Variants in ACTN1 observed in about 807,000 individuals in gnomAD.
ACTN1 encodes the protein actinin alpha 1.
A neutral mutation model predicts 119.6 loss-of-function variants in ACTN1; 30 were observed. That is an observed-to-expected ratio of 0.25 (90% confidence interval 0.19 to 0.34). The LOEUF (loss-of-function observed/expected upper bound fraction) is 0.34, where lower values mean the gene tolerates loss of function less well. Ranked by LOEUF, ACTN1 falls within the 10% of genes least tolerant of loss-of-function variation. The pLI is 1.00. For synonymous variants in ACTN1, 429 were observed against 472.6 expected (o/e 0.91, Z 1.20); for missense variants, 764 against 1,223.4 (o/e 0.62, Z 5.60).
chr14:68,918,442 C>G (rs1181507305), intron 3 of ACTN1, among the ~76,000 whole-genome samples: 1 of 151,220 alleles, frequency 6.6e-6, no homozygotes, highest in Admixed American at 6.6e-5. Context: ...AAAAATTAGC[C>G]AGGCGTGGTG....
chr14:68,893,329 G>A (rs1237897881), intron 9 of ACTN1, among the ~76,000 whole-genome samples: 1 of 152,160 alleles, frequency 6.6e-6, no homozygotes, highest in African/African-American at 2.4e-5. Context: ...TCTCACTGAA[G>A]CAAAACTCAC....
At position 68,884,819 on chromosome 14, in the gene ACTN1, C is replaced by A. The variant is rs1232862734; in HGVS notation, c.1450G>T (p.Asp484Tyr). Residue 484 changes from aspartate (D) to tyrosine (Y), a missense_variant, in exon 13 of 22, where the codon GAC becomes TAC. Asp to Tyr is a radical substitution (Grantham distance 160). Coordinates refer to ENST00000394419, the MANE Select transcript of ACTN1 (RefSeq NM_001130004.2). The part of the protein sequence containing the change: ...ARCQKICDQW[D>Y]NLGALTQKRR... The stretch of plus-strand genomic sequence containing the variant: ...TTCTGAGTTAGGGCCCCCAGATTGT[C>A]CCACTGGTCACAGATCTTTTGGCAA... The A allele has an allele frequency of 6.2e-7, 1 of 1,614,194 alleles. No homozygotes were observed. Among genetic ancestry groups the A allele is most frequent in the African/African-American group, 1.3e-5 (1 of 75,058 alleles).
chr14:68,919,789 G>C (rs1429534068), intron 3 of ACTN1, among the ~76,000 whole-genome samples: 1 of 152,198 alleles, frequency 6.6e-6, no homozygotes, highest in Non-Finnish European at 1.5e-5. Context: ...AAGCTCTGTA[G>C]CAACTACTCA....
At chr14:68,883,683 C>A (rs956465190) in intron 14 of ACTN1, among the ~76,000 whole-genome samples, 1 of 152,152 alleles carries the variant, frequency 6.6e-6, no homozygotes, top group Non-Finnish European at 1.5e-5. Context: ...GAGGCTGCAG[C>A]AGGAGGATCG....
rs1566606239 is a variant in ACTN1 at position 68,892,236 on chromosome 14, C to G, written c.903G>C (p.Val301=). The change falls in exon 10 of 22, where the codon GTG becomes GTC. Residue 301 remains valine, a synonymous_variant. Coordinates refer to ENST00000394419, the MANE Select transcript of ACTN1 (RefSeq NM_001130004.2). Reference sequence around the variant, plus strand: ...GCATGGCATGCATGGTGTTCTCGGGCACCCGGTTCTCCAGCCACGGGATTG... The same window carrying G: ...GCATGGCATGCATGGTGTTCTCGGGGACCCGGTTCTCCAGCCACGGGATTG... ...RRTIPWLENR[V]PENTMHAMQQ... 2 of 1,614,094 alleles carry G rather than the reference C, an allele frequency of 1.2e-6. No homozygotes were observed. Among genetic ancestry groups the G allele is most frequent in the Non-Finnish European group, 1.7e-6 (2 of 1,180,008 alleles).
At chr14:68,877,345 G>A (rs1330517860) in intron 20 of ACTN1, 105 bp from the exon 21 acceptor site, 2 of 1,401,628 alleles carry the variant, frequency 1.4e-6, no homozygotes, top group African/African-American at 1.4e-5. Context: ...GGCTGGAAGA[G>A]AAGGGCACAT....
At chr14:68,893,541 G>T in intron 9 of ACTN1, 114 bp downstream of exon 9, 2 of 1,028,310 alleles carry the variant, frequency 1.9e-6, no homozygotes, top group Non-Finnish European at 2.9e-6. Flanking sequence ...TAGCAGTATT[G>T]GGATCAGAGA....
In ACTN1 at chr14:68,909,297, T is replaced by G. The variant is rs2033851630; in HGVS notation, c.594+21A>C. The stretch of plus-strand genomic sequence containing the variant: ...CCACCTGCCAGGGACCCAAAGCGGG[T>G]GGTCAGGTGGGCACACATACCTTCC... On this transcript the variant is annotated intron_variant, in intron 6 of 21. Transcript: ENST00000394419. The surrounding 1 kb of genome is among the most constrained non-coding windows in gnomAD (Gnocchi z 4.1). 1.9e-6 allele frequency: 3 copies of G among 1,612,356 alleles called. No individual in the cohort carries two copies. Among genetic ancestry groups the G allele is most frequent in the Non-Finnish European group, 2.5e-6 (3 of 1,179,080 alleles).
chr14:68,961,398 G>C (rs1454329984), intron 1 of ACTN1, among the ~76,000 whole-genome samples: 1 of 152,212 alleles, frequency 6.6e-6, no homozygotes, highest in Admixed American at 6.5e-5. Context: ...TTAGGAGAAA[G>C]GGTCTAAGAT....
chr14:68,914,953 T>C (rs2034204835), intron 3 of ACTN1, among the ~76,000 whole-genome samples: 1 of 152,198 alleles, frequency 6.6e-6, no homozygotes, highest in African/African-American at 2.4e-5. Context: ...CATTTTACAG[T>C]TGCTCAGCTT....
At position 68,879,075 on chromosome 14, in the gene ACTN1, G is replaced by T; in HGVS notation, c.2281-6C>A. The stretch of plus-strand genomic sequence containing the variant: ...CCCAGTGTGCCGGAGTGATCCTGGG[G>T]CCGCGGTGCGCCAGGCAGCGAGCCA... On this transcript the variant is annotated splice_polypyrimidine_tract_variant and splice_region_variant and intron_variant, in intron 18 of 21. Transcript: ENST00000394419. The surrounding 1 kb of genome is among the most constrained non-coding windows in gnomAD (Gnocchi z 4.9). The T allele has an allele frequency of 6.2e-7, 1 of 1,603,548 alleles. No individual in the cohort carries two copies. Among genetic ancestry groups the T allele is most frequent in the Non-Finnish European group, 8.5e-7 (1 of 1,173,758 alleles).
intron 1 of ACTN1, among the ~76,000 whole-genome samples, chr14:68,962,876 T>C (rs1192061371): frequency 1.3e-5 from 2 of 152,206 alleles, no homozygotes; most frequent in Non-Finnish European, 2.9e-5. Context: ...TGGAGTCTAA[T>C]TCAGGCAGCC....
chr14:68,898,119 C>T (rs933103327), intron 8 of ACTN1, among the ~76,000 whole-genome samples: 2 of 152,242 alleles, frequency 1.3e-5, no homozygotes, highest in Non-Finnish European at 2.9e-5. Context: ...GCAGCCACTG[C>T]CGGCTCCTTT....
intron 1 of ACTN1, among the ~76,000 whole-genome samples, chr14:68,934,586 C>G (rs1037675349): frequency 1.9e-4 from 29 of 152,300 alleles, no homozygotes; most frequent in African/African-American, 7.0e-4. Flanking sequence ...GCCCTTAGCC[C>G]AATTCTGGGC....
At chr14:68,890,397 C>A in intron 10 of ACTN1, 111 bp from the exon 11 acceptor site, 2 of 1,271,422 alleles carry the variant, frequency 1.6e-6, no homozygotes, top group East Asian at 4.9e-5. Context: ...GAGCCTCTTC[C>A]CTATCTCTGC....
rs1463602841 is a variant in ACTN1 at position 68,877,132 on chromosome 14, C to T, written c.2536G>A (p.Asp846Asn). 6.2e-7 allele frequency: 1 copy of T among 1,614,182 alleles called. No homozygotes were observed. The highest frequency in any genetic ancestry group is 2.2e-5 in the East Asian group (1 of 44,894). Residue 846 changes from aspartate to asparagine, a missense_variant, in exon 21 of 22, where the codon GAT (aspartate) becomes AAT (asparagine). By Grantham distance (23) the Asp-to-Asn change is conservative. Transcript: ENST00000394419. ...DFMSRETADT[D>N]TADQVMASFK... is the part of the protein sequence containing the mutation. ...GAAGCCATGACTTGGTCTGCTGTAT[C>T]TGTGTCGGCTGTCTCGCGGGACATG...
chr14:68,933,647 T>C (rs1434926559), intron 1 of ACTN1, among the ~76,000 whole-genome samples: 3 of 152,058 alleles, frequency 2.0e-5, no homozygotes, highest in Non-Finnish European at 2.9e-5. Flanking sequence ...TATGGGAACA[T>C]AGGCCCTTGG....
intron 6 of ACTN1, among the ~76,000 whole-genome samples, chr14:68,908,607 G>A (rs1265937497): frequency 6.6e-6 from 1 of 152,166 alleles, no homozygotes; most frequent in Non-Finnish European, 1.5e-5. Flanking sequence ...GATGGACCAA[G>A]AGGGAACCTG....
intron 1 of ACTN1, among the ~76,000 whole-genome samples, chr14:68,961,226 G>T (rs1395517921): frequency 6.6e-6 from 1 of 152,146 alleles, no homozygotes. Context: ...GAACATAAAG[G>T]CTGTGTAACT....
Sources: allele counts gnomAD v4.1 joint callset (sites outside exome capture counted in the v4.1 genomes callset), GRCh38; gene constraint gnomAD v4.1.1; non-coding constraint Gnocchi (gnomAD v3.1); transcripts MANE v1.5; gene names NCBI Gene and HGNC (gene_info 2026-07-23, HGNC 2026-07-21).